Variants in PCDH15 observed in about 807,000 individuals in gnomAD.
PCDH15 encodes protocadherin related 15.
In PCDH15, 129 loss-of-function variants were observed where a neutral mutation model predicts 178.5. That is an observed-to-expected ratio of 0.72 (90% confidence interval 0.63 to 0.84). PCDH15 has a LOEUF of 0.84. Ranked by LOEUF, PCDH15 falls within the 40% of genes least tolerant of loss-of-function variation. The pLI is 0.00. For synonymous variants in PCDH15, 800 were observed against 732.0 expected (o/e 1.09, Z -1.50); for missense variants, 2,230 against 2,099.9 (o/e 1.06, Z -1.21).
intron 8 of PCDH15, among the ~76,000 whole-genome samples, chr10:54,291,521 G>A (rs2384439): frequency 0.93 from 142,059 of 152,172 alleles, 66,451 homozygotes; most frequent in East Asian, 1. Context: ...CCAAAAATCA[G>A]TGAATCCAGG....
intron 2 of PCDH15, among the ~76,000 whole-genome samples, chr10:54,987,248 C>T (rs1459135937): frequency 2.6e-5 from 4 of 152,128 alleles, no homozygotes; most frequent in Admixed American, 2.6e-4. Context: ...GCCATATTTG[C>T]TTTATCCAGT....
At chr10:54,923,425 C>G (rs1364046985) in intron 2 of PCDH15, among the ~76,000 whole-genome samples, 1 of 138,700 alleles carries the variant, frequency 7.2e-6, no homozygotes, top group Admixed American at 7.0e-5. Flanking sequence ...GCTTGAATTT[C>G]TCTCCAGTAA....
At chr10:54,250,837 T>C (rs966602088) in intron 8 of PCDH15, among the ~76,000 whole-genome samples, 2 of 152,090 alleles carry the variant, frequency 1.3e-5, no homozygotes, top group Non-Finnish European at 2.9e-5. Flanking sequence ...CACTTCCCAA[T>C]CTCTCTCTCA....
intron 13 of PCDH15, among the ~76,000 whole-genome samples, chr10:54,169,053 G>A (rs1336221995): frequency 6.6e-6 from 1 of 152,070 alleles, no homozygotes; most frequent in Non-Finnish European, 1.5e-5. Context: ...CTGGCCACTG[G>A]GCCAAGGAAT....
intron 23 of PCDH15, among the ~76,000 whole-genome samples, chr10:53,949,379 A>G (rs546016598): frequency 5.9e-5 from 9 of 152,350 alleles, no homozygotes; most frequent in Admixed American, 1.3e-4. Flanking sequence ...TGCTCTCTGC[A>G]TATGCATTTG....
At chr10:54,140,249 T>C (rs1025072396) in intron 14 of PCDH15, among the ~76,000 whole-genome samples, 1 of 152,192 alleles carries the variant, frequency 6.6e-6, no homozygotes, top group Non-Finnish European at 1.5e-5. Flanking sequence ...TGGAGCCAAA[T>C]TTCATAGTAT....
intron 2 of PCDH15, among the ~76,000 whole-genome samples, chr10:54,969,920 T>C (rs993508620): frequency 2.0e-5 from 3 of 152,230 alleles, no homozygotes; most frequent in African/African-American, 7.2e-5. Context: ...CCCAGAGATG[T>C]TCCAATTATT....
At chr10:53,905,400 C>T (rs1310518244) in intron 25 of PCDH15, among the ~76,000 whole-genome samples, 1 of 152,202 alleles carries the variant, frequency 6.6e-6, no homozygotes, top group Non-Finnish European at 1.5e-5. Flanking sequence ...GTGGCACGAT[C>T]TCGGCTCACT....
At chr10:53,920,743 C>G (rs1297591477) in intron 25 of PCDH15, among the ~76,000 whole-genome samples, 4 of 152,162 alleles carry the variant, frequency 2.6e-5, no homozygotes, top group Admixed American at 2.0e-4. Context: ...CCTCCATCAA[C>G]AAGCCCTGGC....
At chr10:54,668,654 A>G (rs1396653034) in intron 1 of PCDH15, among the ~76,000 whole-genome samples, 18 of 152,208 alleles carry the variant, frequency 1.2e-4, no homozygotes, top group Admixed American at 1.1e-3. Context: ...GCAGTGACAC[A>G]TGGCAAAAGC....
intron 11 of PCDH15, among the ~76,000 whole-genome samples, chr10:54,194,060 T>C (rs527254874): frequency 1.5e-4 from 15 of 97,990 alleles, no homozygotes; most frequent in Admixed American, 1.1e-3. Context: ...CCAGGAAAGA[T>C]TGAAAAAAAA....
chr10:54,618,882 GTTA>G, intron 2 of PCDH15, among the ~76,000 whole-genome samples: 1 of 151,980 alleles, frequency 6.6e-6, no homozygotes, highest in East Asian at 1.9e-4. Context: ...ACGGCAGCAT[GTTA>G]TTCCATATGG....
intron 8 of PCDH15, among the ~76,000 whole-genome samples, chr10:54,240,280 C>A (rs1591365977): frequency 7.1e-6 from 1 of 139,928 alleles, no homozygotes. Context: ...TTTTTTTTAA[C>A]AACAGGGTAA....
intron 2 of PCDH15, among the ~76,000 whole-genome samples, chr10:54,650,441 G>C (rs937649964): frequency 2.6e-5 from 4 of 152,090 alleles, no homozygotes; most frequent in Non-Finnish European, 5.9e-5. Flanking sequence ...GAACATTAAA[G>C]AATATAATCT....
intron 3 of PCDH15, among the ~76,000 whole-genome samples, chr10:54,876,016 C>T (rs1954132993): frequency 6.6e-6 from 1 of 152,024 alleles, no homozygotes; most frequent in African/African-American, 2.4e-5. Flanking sequence ...TGACTTCAAA[C>T]CTTCAAAAAA....
At chr10:55,051,170 T>C (rs940455950) in intron 2 of PCDH15, among the ~76,000 whole-genome samples, 4 of 152,086 alleles carry the variant, frequency 2.6e-5, no homozygotes, top group African/African-American at 9.7e-5. Flanking sequence ...TATTAAATAA[T>C]GCAATTATTA....
intron 33 of PCDH15, chr10:53,818,241 A>G (rs1356057327): frequency 5.7e-6 from 2 of 351,320 alleles, no homozygotes; most frequent in Non-Finnish European, 5.1e-6. Flanking sequence ...GCCTCGTTCC[A>G]TATGAGCAAC....
At chr10:54,637,359 A>G (rs1348404654) in intron 2 of PCDH15, among the ~76,000 whole-genome samples, 1 of 151,986 alleles carries the variant, frequency 6.6e-6, no homozygotes, top group Non-Finnish European at 1.5e-5. Flanking sequence ...TCTGTGAGTC[A>G]TCAGTCTCAT....
intron 8 of PCDH15, among the ~76,000 whole-genome samples, chr10:54,290,159 C>T (rs7912513): frequency 0.2 from 30,878 of 152,086 alleles, 3,214 homozygotes; most frequent in Admixed American, 0.23. Context: ...GGTCGAGTTA[C>T]CCACAAAGGG....
Sources: gnomAD v4.1 joint callset for allele counts (sites outside exome capture counted in the v4.1 genomes callset) on GRCh38, gnomAD v4.1.1 for gene constraint, MANE v1.5 for transcripts, NCBI Gene and HGNC (gene_info 2026-07-23, HGNC 2026-07-21) for gene names.